Variants in PTPDC1 observed in about 807,000 individuals in gnomAD.
PTPDC1 encodes the protein protein tyrosine phosphatase domain containing 1, also known as protein tyrosine phosphatase domain-containing protein 1.
In PTPDC1, 53 loss-of-function variants were observed where a neutral mutation model predicts 75.3. The ratio of observed to expected loss-of-function variants is 0.70; its 90% confidence interval spans 0.56 to 0.88. PTPDC1 has a LOEUF of 0.88. Among genes scored for constraint, PTPDC1 ranks in the 40% least tolerant of loss-of-function variants. The pLI is 0.00. For missense variants in PTPDC1, 925 were observed against 998.6 expected, an observed-to-expected ratio of 0.93 and a Z score of 0.99; for synonymous variants, 349 against 366.2, an observed-to-expected ratio of 0.95 and a Z score of 0.54.
Position 94,063,189 on chromosome 9 carries a change from A to C in PTPDC1, c.-6-1545A>C, listed in dbSNP as rs537777663. Among the ~76,000 whole-genome samples, 10 of 152,382 alleles carry C rather than the reference A, an allele frequency of 6.6e-5. No homozygotes were observed. In the East Asian group the frequency reaches 1.9e-3, roughly 29 times the overall value. On this transcript the variant is annotated intron_variant, in intron 1 of 9. Transcript: ENST00000375360. ...CAGGACCTTCTCTGGGACATGGTTC[A>C]TAACTTCTTATATACAAAATAGCCA...
At chr9:94,038,917 T>C (rs1473725079) in intron 1 of PTPDC1, among the ~76,000 whole-genome samples, 1 of 152,242 alleles carries the variant, frequency 6.6e-6, no homozygotes, top group East Asian at 1.9e-4. Context: ...GGTTTGTGTG[T>C]AATATCAAAG....
intron 1 of PTPDC1, among the ~76,000 whole-genome samples, chr9:94,042,659 CT>C (rs889716284): frequency 3.3e-5 from 5 of 152,288 alleles, no homozygotes; most frequent in African/African-American, 1.2e-4. Flanking sequence ...TAGACTTCTG[CT>C]GAAAGCTGGG....
exon 1 of PTPDC1, chr9:94,030,817 CCGGGGACGCGGCCTCAGCAGGGG>C (rs1178326832): frequency 2.0e-5 from 3 of 152,348 alleles, no homozygotes; most frequent in Non-Finnish European, 4.4e-5. Flanking sequence ...GAGGGCAGCG[CCGGGGACGCGGCCTCAGCAGGGG>C]CGCCCCGCCA....
At chr9:94,091,827 G>A (rs1049372454) in intron 4 of PTPDC1, among the ~76,000 whole-genome samples, 7 of 152,058 alleles carry the variant, frequency 4.6e-5, no homozygotes, top group Admixed American at 1.3e-4. Flanking sequence ...TTTATGTGCA[G>A]AGGAATTTAT....
chr9:94,076,961 T>C (rs1664272754), intron 2 of PTPDC1, among the ~76,000 whole-genome samples: 2 of 152,250 alleles, frequency 1.3e-5, no homozygotes. Flanking sequence ...CATGTATTTA[T>C]TGAAACTTTC....
At chr9:94,065,940 C>G (rs537173594) in intron 2 of PTPDC1, among the ~76,000 whole-genome samples, 1 of 152,340 alleles carries the variant, frequency 6.6e-6, no homozygotes, top group South Asian at 2.1e-4. Context: ...AACTCTTCAG[C>G]CAACAAGTCT....
At chr9:94,050,953 G>A (rs1014780170) in intron 1 of PTPDC1, among the ~76,000 whole-genome samples, 2 of 152,188 alleles carry the variant, frequency 1.3e-5, no homozygotes, top group African/African-American at 4.8e-5. Context: ...CTTGCCGTTT[G>A]ATCTCAGACT....
chr9:94,051,450 GT>G (rs1360116597), intron 1 of PTPDC1, among the ~76,000 whole-genome samples: 5 of 152,106 alleles, frequency 3.3e-5, no homozygotes, highest in African/African-American at 9.7e-5. Flanking sequence ...TCTAGTTTTG[GT>G]GTTAGGTTAA....
intron 8 of PTPDC1, among the ~76,000 whole-genome samples, chr9:94,106,058 A>G (rs981887133): frequency 3.9e-5 from 6 of 152,204 alleles, no homozygotes; most frequent in African/African-American, 1.4e-4. Context: ...AGTTATAGAT[A>G]AAATTAAATT....
chr9:94,098,318 T>C lies in PTPDC1; in HGVS notation c.1752T>C (p.His584=), dbSNP rs899289755. 6.2e-7 allele frequency: 1 copy of C among 1,614,182 alleles called. No homozygotes were observed. The highest frequency in any genetic ancestry group is 2.2e-5 in the East Asian group (1 of 44,876). The change falls in exon 6 of 9, where the codon CAT becomes CAC. Residue 584 remains histidine, a synonymous_variant. Coordinates refer to ENST00000620992, the MANE Select transcript of PTPDC1 (RefSeq NM_001253829.2). ...QQVSHCQCKT[H]GVGSPGSVRQ... ...TGTCTCACTGTCAGTGTAAAACTCA[T>C]GGTGTTGGGAGCCCTGGCTCTGTCA...
chr9:94,080,025 A>G (rs538723921), upstream of PTPDC1, among the ~76,000 whole-genome samples: 3 of 152,284 alleles, frequency 2.0e-5, no homozygotes, highest in South Asian at 6.2e-4. Context: ...AGGTTATTAG[A>G]ACATTCCCAG....
At chr9:94,088,321 C>G in intron 4 of PTPDC1, 58 bp downstream of exon 4, 1 of 1,573,010 alleles carries the variant, frequency 6.4e-7, no homozygotes. Context: ...AGAGGCTTTT[C>G]TCTGCTGGGT....
At chr9:94,051,612 T>C (rs533342011) in intron 1 of PTPDC1, among the ~76,000 whole-genome samples, 1 of 152,356 alleles carries the variant, frequency 6.6e-6, no homozygotes, top group East Asian at 1.9e-4. Flanking sequence ...TGGGAAAGTT[T>C]CTTTTCTAAT....
At chr9:94,084,406 G>C, upstream of PTPDC1, 1 of 1,444,840 alleles carries the variant, frequency 6.9e-7, no homozygotes, top group Non-Finnish European at 9.1e-7. Context: ...ATGGAAACCA[G>C]TCAGCCAATC....
chr9:94,081,950 G>A (rs1020560901), upstream of PTPDC1, among the ~76,000 whole-genome samples: 4 of 152,186 alleles, frequency 2.6e-5, no homozygotes, highest in Non-Finnish European at 5.9e-5. Flanking sequence ...AACCAGAACC[G>A]ATGTTTATAG....
Position 94,085,393 on chromosome 9 carries a change from G to C in PTPDC1, c.387G>C (p.Glu129Asp), listed in dbSNP as rs1564026446. ...YENPARWSEQEQAIKGVYSSW... is the reference protein window; with the variant it reads ...YENPARWSEQDQAIKGVYSSW... Reference sequence around the variant, plus strand: ...ACCCAGCCCGCTGGAGTGAGCAGGAGCAAGCCATTAAGGGGGTTTACTCAT... The same window carrying C: ...ACCCAGCCCGCTGGAGTGAGCAGGACCAAGCCATTAAGGGGGTTTACTCAT... Residue 129 changes from glutamate (E) to aspartate (D), a missense_variant, in exon 2 of 9, where the codon GAG (glutamate) becomes GAC (aspartate). Transcript: ENST00000620992. The C allele has an allele frequency of 6.2e-7, 1 of 1,614,226 alleles. No homozygotes were observed. Among genetic ancestry groups the C allele is most frequent in the African/African-American group, 1.3e-5 (1 of 75,050 alleles).
At chr9:94,070,149 A>G (rs1826463040) in intron 2 of PTPDC1, among the ~76,000 whole-genome samples, 1 of 152,170 alleles carries the variant, frequency 6.6e-6, no homozygotes, top group African/African-American at 2.4e-5. Flanking sequence ...ATCCATTATT[A>G]CACCATCTTT....
intron 2 of PTPDC1, among the ~76,000 whole-genome samples, chr9:94,075,672 C>A (rs554216881): frequency 2.0e-5 from 3 of 152,094 alleles, no homozygotes; most frequent in African/African-American, 7.2e-5. Context: ...TCAGAGTCTT[C>A]CTATGTTTAT....
At chr9:94,031,680 T>G (rs1346038530) in intron 1 of PTPDC1, among the ~76,000 whole-genome samples, 10 of 152,150 alleles carry the variant, frequency 6.6e-5, no homozygotes, top group Admixed American at 5.9e-4. Context: ...TTTGTGGCCT[T>G]CCAAAGAGCC....
Sources: gnomAD v4.1 joint callset for allele counts (sites outside exome capture counted in the v4.1 genomes callset) on GRCh38, gnomAD v4.1.1 for gene constraint, MANE v1.5 for transcripts, NCBI Gene and HGNC (gene_info 2026-07-23, HGNC 2026-07-21) for gene names.